ACP3: variants seen among roughly 807,000 people sequenced by gnomAD.
ACP3 encodes the protein prostatic acid phosphatase.
ACP3 carries 38 observed loss-of-function variants against 45.6 expected under a neutral mutation model. The observed-to-expected ratio is 0.83, with a 90% CI of 0.64 to 1.09. The LOEUF is 1.09. Among genes scored for constraint, ACP3 ranks in the 50% least tolerant of loss-of-function variants. ACP3 has a pLI of 0.00. For synonymous variants in ACP3, 162 were observed against 164.7 expected, an observed-to-expected ratio of 0.98 and a Z score of 0.13; for missense variants, 466 against 463.2, an observed-to-expected ratio of 1.01 and a Z score of -0.05.
Position 132,352,751 on chromosome 3 carries a change from C to T in ACP3, c.896C>T (p.Ala299Val). ...HDTTVSGLQM[A>V]LDVYNGLLPP... The stretch of plus-strand genomic sequence containing the variant: ...ACTACTGTGAGTGGCCTACAGATGG[C>T]GCTAGATGTTTACAACGGACTCCTT... Residue 299 changes from alanine (A) to valine (V), a missense_variant, in exon 9 of 10, where the codon GCG becomes GTG. Transcript: ENST00000336375. The T allele has an allele frequency of 3.1e-6, 5 of 1,613,664 alleles. No homozygotes were observed. The East Asian group carries it at 8.9e-5, about 29-fold the overall frequency.
At chr3:132,331,467 G>A (rs1375798787) in intron 2 of ACP3, among the ~76,000 whole-genome samples, 180 bp from the exon 3 acceptor site, 1 of 152,148 alleles carries the variant, frequency 6.6e-6, no homozygotes, top group Non-Finnish European at 1.5e-5. Context: ...TCAGGGAACT[G>A]TAACTAAAGA....
intron 4 of ACP3, among the ~76,000 whole-genome samples, chr3:132,334,156 C>A (rs1465477165): frequency 1.3e-5 from 2 of 152,098 alleles, no homozygotes; most frequent in African/African-American, 4.8e-5. Context: ...AGCTATTTAA[C>A]AATTAATCCT....
intron 7 of ACP3, 81 bp downstream of exon 7, chr3:132,345,140 CTG>C: frequency 1.5e-6 from 2 of 1,302,950 alleles, no homozygotes; most frequent in Non-Finnish European, 2.1e-6. Context: ...CACTAATCAA[CTG>C]TGTGATCTCA....
intron 2 of ACP3, among the ~76,000 whole-genome samples, 196 bp from the exon 3 acceptor site, chr3:132,331,451 A>G (rs896665490): frequency 3.3e-5 from 5 of 152,248 alleles, no homozygotes; most frequent in Non-Finnish European, 5.9e-5. Context: ...GAGTTTTCTC[A>G]GGGAGTCAGG....
chr3:132,324,675 A>T lies in ACP3; in HGVS notation c.121-3592A>T, dbSNP rs1030724077. On this transcript the variant is annotated intron_variant, in intron 1 of 9. Transcript: ENST00000336375. ...TTTATTTATTTTGAGACGGAGTCTC[A>T]CTCTGTCACCAGGCTGAAGTGCAGT... 3.9e-5 allele frequency among the ~76,000 whole-genome samples: 6 copies of T among 152,090 alleles called. No homozygotes were observed. In the South Asian group the frequency reaches 1.2e-3, roughly 31 times the overall value.
At chr3:132,361,885 G>T (rs1347761381), downstream of ACP3, among the ~76,000 whole-genome samples, 1 of 152,040 alleles carries the variant, frequency 6.6e-6, no homozygotes, top group East Asian at 1.9e-4. Flanking sequence ...GTCTCCTCAG[G>T]ACCCCAGGGA....
chr3:132,355,307 T>C (rs1179888927), intron 9 of ACP3, among the ~76,000 whole-genome samples: 1 of 152,214 alleles, frequency 6.6e-6, no homozygotes, highest in Non-Finnish European at 1.5e-5. Flanking sequence ...TTCTGAGCCA[T>C]AATTCAATTC....
At chr3:132,362,055 C>A (rs1384949420), downstream of ACP3, among the ~76,000 whole-genome samples, 1 of 152,216 alleles carries the variant, frequency 6.6e-6, no homozygotes, top group Non-Finnish European at 1.5e-5. Flanking sequence ...TGTTCTTGTA[C>A]TATTTTCTCA....
intron 9 of ACP3, among the ~76,000 whole-genome samples, chr3:132,354,590 G>A (rs935459406): frequency 1.3e-5 from 2 of 152,184 alleles, no homozygotes; most frequent in Admixed American, 6.5e-5. Context: ...GTCTAAGCCT[G>A]CTTATTAGGT....
chr3:132,362,617 C>T (rs1441543063), downstream of ACP3, among the ~76,000 whole-genome samples: 1 of 152,176 alleles, frequency 6.6e-6, no homozygotes, highest in Non-Finnish European at 1.5e-5. Flanking sequence ...AAGGAGAAAA[C>T]ACAGCAGAGG....
At chr3:132,329,269 C>T (rs1232882454) in intron 2 of ACP3, among the ~76,000 whole-genome samples, 1 of 151,970 alleles carries the variant, frequency 6.6e-6, no homozygotes, top group Admixed American at 6.6e-5. Context: ...CTTAATCCTG[C>T]CAAAACATTG....
chr3:132,357,113 G>A lies in ACP3; in HGVS notation c.*235G>A, dbSNP rs1937925491. 1 of 1,239,504 alleles carries A rather than the reference G, an allele frequency of 8.1e-7. No homozygotes were observed. Among genetic ancestry groups the A allele is most frequent in the African/African-American group, 1.5e-5 (1 of 65,442 alleles). 76.8% of individuals were successfully genotyped at this position (1,239,504 alleles called of 1,614,324 possible). A position where few individuals can be genotyped will look rare whatever the true frequency, so the allele number is the denominator to read the frequency against. On this transcript the variant is annotated 3_prime_UTR_variant, in exon 10 of 10. Transcript: ENST00000336375. The stretch of plus-strand genomic sequence containing the variant: ...TGTTTTTCAGCGTTAATGTAAAGGG[G>A]CAGCAGTGCCAAAATATAATCAGAG...
intron 1 of ACP3, among the ~76,000 whole-genome samples, chr3:132,319,361 T>C (rs1404872079): frequency 6.6e-6 from 1 of 152,228 alleles, no homozygotes; most frequent in Non-Finnish European, 1.5e-5. Flanking sequence ...ATATTAATGA[T>C]AATAACCAAT....
chr3:132,343,358 A>G (rs1038869030), intron 6 of ACP3, among the ~76,000 whole-genome samples: 2 of 152,208 alleles, frequency 1.3e-5, no homozygotes, highest in African/African-American at 4.8e-5. Context: ...TTCTATCTTA[A>G]TAACAGATGA....
At chr3:132,340,020 A>T (rs1937534499) in intron 5 of ACP3, among the ~76,000 whole-genome samples, 1 of 152,168 alleles carries the variant, frequency 6.6e-6, no homozygotes, top group Non-Finnish European at 1.5e-5. Context: ...ATGGAGATGA[A>T]CACCAAATAG....
chr3:132,320,330 A>G (rs1937182874), intron 1 of ACP3, among the ~76,000 whole-genome samples: 1 of 152,212 alleles, frequency 6.6e-6, no homozygotes, highest in Non-Finnish European at 1.5e-5. Context: ...GGATGTCCTC[A>G]TCAACCAGCT....
In ACP3 at chr3:132,357,048, C is replaced by T. The variant is rs1482078689; in HGVS notation, c.*170C>T. The T allele has an allele frequency of 1.5e-6, 2 of 1,361,424 alleles. No homozygotes were observed. Among genetic ancestry groups the T allele is most frequent in the East Asian group, 2.7e-5 (1 of 36,380 alleles). 84.3% of individuals were successfully genotyped at this position (1,361,424 alleles called of 1,614,324 possible). A position where few individuals can be genotyped will look rare whatever the true frequency, so the allele number is the denominator to read the frequency against. On this transcript the variant is annotated 3_prime_UTR_variant, in exon 10 of 10. Transcript: ENST00000336375. ...GGCAATTCCTACCTCTTCACCTGAC[C>T]CTGCCCCCACTTGCCATAAAACTTA...
At chr3:132,341,207 T>A (rs1218360239) in intron 5 of ACP3, among the ~76,000 whole-genome samples, 1 of 152,140 alleles carries the variant, frequency 6.6e-6, no homozygotes, top group Admixed American at 6.6e-5. Flanking sequence ...GGTATTCTTG[T>A]CTTATTTCTG....
intron 1 of ACP3, among the ~76,000 whole-genome samples, chr3:132,325,220 G>C (rs547128651): frequency 3.7e-4 from 57 of 152,250 alleles, no homozygotes; most frequent in Non-Finnish European, 7.6e-4. Context: ...GGAGGGGTGT[G>C]TGCACACATT....
Sources: gnomAD v4.1 joint callset for allele counts (sites outside exome capture counted in the v4.1 genomes callset) on GRCh38, gnomAD v4.1.1 for gene constraint, MANE v1.5 for transcripts, NCBI Gene and HGNC (gene_info 2026-07-23, HGNC 2026-07-21) for gene names.